SV2C: variants seen among roughly 807,000 people sequenced by gnomAD.
The protein encoded by SV2C is solute carrier family 22 member B3.
SV2C carries 49 observed loss-of-function variants against 79.7 expected under a neutral mutation model. The ratio of observed to expected loss-of-function variants is 0.61; its 90% CI spans 0.49 to 0.78. SV2C has a LOEUF of 0.78. SV2C is among the 30% of genes least tolerant of loss of function. The pLI is 0.00. For missense variants in SV2C, 833 were observed against 912.9 expected, an observed-to-expected ratio of 0.91 and a Z score of 1.13; for synonymous variants, 334 against 333.2, an observed-to-expected ratio of 1.00 and a Z score of -0.03.
the SV2C span, among the ~76,000 whole-genome samples, chr5:75,881,223 A>G: frequency 1.3e-5 from 2 of 152,162 alleles, no homozygotes; most frequent in African/African-American, 4.8e-5. Context: ...TACCCAAACC[A>G]TATCACCATT....
At chr5:76,166,976 TAAAG>T (rs1355704635) in intron 2 of SV2C, among the ~76,000 whole-genome samples, 1 of 152,180 alleles carries the variant, frequency 6.6e-6, no homozygotes, top group Non-Finnish European at 1.5e-5. Context: ...TTACAGCACT[TAAAG>T]GAAGTCAAGC....
chr5:76,058,867 A>G, the SV2C span, among the ~76,000 whole-genome samples: 1 of 152,240 alleles, frequency 6.6e-6, no homozygotes, highest in Non-Finnish European at 1.5e-5. Context: ...ATACTTTACT[A>G]TGATCTTTCG....
At chr5:76,304,910 A>G (rs988804621) in intron 12 of SV2C, among the ~76,000 whole-genome samples, 10 of 152,194 alleles carry the variant, frequency 6.6e-5, no homozygotes. Context: ...AATTTATAAG[A>G]AAAGAGGTTT....
chr5:76,205,148 C>CGT (rs3073534), intron 3 of SV2C, among the ~76,000 whole-genome samples: 7,751 of 149,012 alleles, frequency 0.052, 541 homozygotes, highest in East Asian at 0.26. Context: ...AGGTGTTGTG[C>CGT]GTGTGTGTGT....
At chr5:76,187,377 C>G (rs559086125) in intron 2 of SV2C, among the ~76,000 whole-genome samples, 1 of 152,188 alleles carries the variant, frequency 6.6e-6, no homozygotes, top group Non-Finnish European at 1.5e-5. Flanking sequence ...ACAAGTAGCA[C>G]TATTGCTTGA....
rs1404417528 is a variant in SV2C, at chr5:76,330,759, C to T, written c.*5212C>T. Reference sequence around the variant, plus strand: ...AATGAAACCACACATAAGTTGTTCCCTTAAATAATCTCAGCAGGATATTGC... The same window carrying T: ...AATGAAACCACACATAAGTTGTTCCTTTAAATAATCTCAGCAGGATATTGC... On this transcript the variant is annotated 3_prime_UTR_variant, in exon 13 of 13. Coordinates refer to ENST00000502798, the MANE Select transcript of SV2C (RefSeq NM_014979.4). 3 of 150,220 alleles carry T rather than the reference C, an allele frequency of 2.0e-5. No homozygotes were observed. The highest frequency in any genetic ancestry group is 4.4e-5 in the Non-Finnish European group (3 of 67,894). 9.3% of individuals were successfully genotyped at this position (150,220 alleles called of 1,614,324 possible).
At chr5:76,205,786 C>T (rs533907537) in intron 3 of SV2C, among the ~76,000 whole-genome samples, 2 of 152,110 alleles carry the variant, frequency 1.3e-5, no homozygotes, top group Non-Finnish European at 2.9e-5. Context: ...CCAACCCTAG[C>T]GCTATTAATA....
intron 2 of SV2C, among the ~76,000 whole-genome samples, chr5:76,155,110 T>A (rs1742680386): frequency 6.6e-6 from 1 of 152,146 alleles, no homozygotes; most frequent in Non-Finnish European, 1.5e-5. Flanking sequence ...AAACATAGAG[T>A]GGCTATTTGT....
chr5:76,001,798 C>T, the SV2C span, among the ~76,000 whole-genome samples: 1 of 152,016 alleles, frequency 6.6e-6, no homozygotes, highest in African/African-American at 2.4e-5. Flanking sequence ...AGTCATGAAC[C>T]TTGTTTTTAA....
intron 7 of SV2C, 63 bp from the exon 8 acceptor site, chr5:76,291,705 G>A (rs957706790): frequency 8.1e-6 from 9 of 1,116,004 alleles, no homozygotes; most frequent in Non-Finnish European, 1.1e-5. Context: ...TTGGTGGAAG[G>A]GGTCGGGGAG....
chr5:76,286,112 C>T (rs1462299092), intron 6 of SV2C, among the ~76,000 whole-genome samples: 3 of 152,170 alleles, frequency 2.0e-5, no homozygotes, highest in African/African-American at 7.2e-5. Flanking sequence ...AGGTTGCCAA[C>T]CTTGCTTATG....
chr5:75,910,774 C>A, the SV2C span: 1 of 1,350,800 alleles, frequency 7.4e-7, no homozygotes. Context: ...TTCTTTATAA[C>A]AGTCATGTTG....
the SV2C span, among the ~76,000 whole-genome samples, chr5:75,952,302 C>T: frequency 6.7e-6 from 1 of 149,240 alleles, no homozygotes; most frequent in African/African-American, 2.5e-5. Context: ...TTCCTTCCTT[C>T]CTTCCAACTT....
At chr5:76,020,905 GA>G in the SV2C span, among the ~76,000 whole-genome samples, 1 of 152,302 alleles carries the variant, frequency 6.6e-6, no homozygotes, top group East Asian at 1.9e-4. Flanking sequence ...GAAAAGAGAT[GA>G]TCTCTGAATG....
At chr5:75,851,743 C>T in the SV2C span, among the ~76,000 whole-genome samples, 6 of 152,138 alleles carry the variant, frequency 3.9e-5, no homozygotes, top group African/African-American at 1.4e-4. Flanking sequence ...CGGGTTCACG[C>T]CATTCTGCTG....
At chr5:76,096,980 A>G (rs1252519205) in intron 1 of SV2C, among the ~76,000 whole-genome samples, 1 of 152,004 alleles carries the variant, frequency 6.6e-6, no homozygotes, top group Non-Finnish European at 1.5e-5. Flanking sequence ...AAGTCTCTTT[A>G]TTATTTCTCT....
the SV2C span, among the ~76,000 whole-genome samples, chr5:75,998,110 A>T: frequency 1.8e-4 from 27 of 152,060 alleles, no homozygotes; most frequent in Non-Finnish European, 3.5e-4. Context: ...CAAACACCGC[A>T]TGTTCTCACT....
Position 76,300,726 on chromosome 5 carries a change from C to T in SV2C, c.1637-3C>T. ...TGAATTGTCTTTGTTGTTGTTTCTACAGATTTTGAGCCATATAAATTCATT... is the reference window on the plus strand; with the variant it reads ...TGAATTGTCTTTGTTGTTGTTTCTATAGATTTTGAGCCATATAAATTCATT... On this transcript the variant is annotated splice_polypyrimidine_tract_variant and splice_region_variant and intron_variant, in intron 10 of 12. Transcript: ENST00000502798. 6.2e-7 allele frequency: 1 copy of T among 1,613,696 alleles called. No homozygotes were observed. Among genetic ancestry groups the T allele is most frequent in the Non-Finnish European group, 8.5e-7 (1 of 1,179,660 alleles).
chr5:75,849,067 C>T, the SV2C span, among the ~76,000 whole-genome samples: 4 of 152,306 alleles, frequency 2.6e-5, no homozygotes, highest in African/African-American at 9.6e-5. Context: ...CTTCTATCTC[C>T]CCGTATGCAT....
Sources: allele counts gnomAD v4.1 joint callset (sites outside exome capture counted in the v4.1 genomes callset), GRCh38; gene constraint gnomAD v4.1.1; transcripts MANE v1.5; gene names NCBI Gene and HGNC (gene_info 2026-07-23, HGNC 2026-07-21).